Variants in ARB2A observed in about 807,000 individuals in gnomAD.
ARB2A encodes the protein ARB2 cotranscriptional regulator A, also known as cotranscriptional regulator ARB2A.
the ARB2A span, among the ~76,000 whole-genome samples, chr5:93,883,657 T>C: frequency 6.6e-6 from 1 of 151,446 alleles, no homozygotes; most frequent in African/African-American, 2.4e-5. Context: ...TTTCACGCCC[T>C]TCTCAAATTT....
At chr5:93,903,324 G>C in the ARB2A span, among the ~76,000 whole-genome samples, 1 of 151,942 alleles carries the variant, frequency 6.6e-6, no homozygotes, top group Non-Finnish European at 1.5e-5. Flanking sequence ...TACTAAAACT[G>C]CTAATATTAC....
the ARB2A span, among the ~76,000 whole-genome samples, chr5:94,049,256 C>A: frequency 6.6e-6 from 1 of 152,138 alleles, no homozygotes. Flanking sequence ...ATGTGAAGTA[C>A]CTAATGTTCA....
At chr5:93,986,324 G>C in the ARB2A span, among the ~76,000 whole-genome samples, 42 of 151,836 alleles carry the variant, frequency 2.8e-4, no homozygotes, top group Middle Eastern at 0.01. Flanking sequence ...TCTGGGAGGT[G>C]GGGGGCGCCC....
the ARB2A span, among the ~76,000 whole-genome samples, chr5:93,826,752 C>T: frequency 8.6e-6 from 1 of 115,614 alleles, no homozygotes. Flanking sequence ...CCCCTCCCCC[C>T]ACCCCACAAC....
At chr5:94,047,965 T>TCTAGAAAAGAG in the ARB2A span, among the ~76,000 whole-genome samples, 1 of 151,842 alleles carries the variant, frequency 6.6e-6, no homozygotes, top group Non-Finnish European at 1.5e-5. Context: ...AACCACAAGC[T>TCTAGAAAAGAG]CTTTTCTAAG....
chr5:93,921,154 T>C, the ARB2A span, among the ~76,000 whole-genome samples: 4 of 125,774 alleles, frequency 3.2e-5, no homozygotes, highest in African/African-American at 9.3e-5. Flanking sequence ...GTAAAGACCA[T>C]GTTAAAAAAA....
At chr5:93,864,325 A>G in the ARB2A span, among the ~76,000 whole-genome samples, 1 of 152,172 alleles carries the variant, frequency 6.6e-6, no homozygotes, top group African/African-American at 2.4e-5. Context: ...TGAAAGCAAA[A>G]GAAGAAAATA....
chr5:94,065,069 A>C, the ARB2A span, among the ~76,000 whole-genome samples: 1 of 152,272 alleles, frequency 6.6e-6, no homozygotes, highest in Admixed American at 6.5e-5. Context: ...GCCCTCGCAT[A>C]TCAATAATAA....
At chr5:93,914,886 T>A in the ARB2A span, among the ~76,000 whole-genome samples, 2 of 151,900 alleles carry the variant, frequency 1.3e-5, no homozygotes, top group African/African-American at 4.8e-5. Context: ...GCTTCGATAA[T>A]CAGGGTCATC....
the ARB2A span, chr5:93,739,086 T>G: frequency 6.6e-6 from 1 of 152,158 alleles, no homozygotes; most frequent in African/African-American, 2.4e-5. Flanking sequence ...GAGTTAACTC[T>G]CGATCTCTTG....
the ARB2A span, among the ~76,000 whole-genome samples, chr5:93,771,647 A>C: frequency 1.3e-5 from 2 of 152,242 alleles, no homozygotes; most frequent in Non-Finnish European, 2.9e-5. Flanking sequence ...TGGGCAAAGG[A>C]TATGAACAGA....
At chr5:93,817,187 T>C in the ARB2A span, among the ~76,000 whole-genome samples, 1 of 152,078 alleles carries the variant, frequency 6.6e-6, no homozygotes, top group African/African-American at 2.4e-5. Flanking sequence ...AAATCATGTC[T>C]CTATCTACTA....
the ARB2A span, among the ~76,000 whole-genome samples, chr5:93,801,583 T>C: frequency 6.6e-6 from 1 of 152,134 alleles, no homozygotes; most frequent in African/African-American, 2.4e-5. Flanking sequence ...ATTATTCAAA[T>C]TTTAGACTTT....
At chr5:93,670,265 T>C in the ARB2A span, among the ~76,000 whole-genome samples, 1 of 152,212 alleles carries the variant, frequency 6.6e-6, no homozygotes, top group Non-Finnish European at 1.5e-5. Flanking sequence ...AAAATAGATA[T>C]GATCACTATC....
At chr5:93,692,543 T>C in the ARB2A span, among the ~76,000 whole-genome samples, 1 of 152,180 alleles carries the variant, frequency 6.6e-6, no homozygotes, top group Non-Finnish European at 1.5e-5. Flanking sequence ...CCCAGATTCA[T>C]AAAGCAAGTT....
chr5:93,770,608 G>A, the ARB2A span, among the ~76,000 whole-genome samples: 56 of 152,276 alleles, frequency 3.7e-4, 1 homozygote, highest in African/African-American at 1.3e-3. Context: ...CTTCAGCAAA[G>A]TCTCAGGATA....
chr5:93,715,712 G>T, the ARB2A span, among the ~76,000 whole-genome samples: 1 of 144,010 alleles, frequency 6.9e-6, no homozygotes. Flanking sequence ...TGAAAGACTT[G>T]TTCCTAATAA....
the ARB2A span, among the ~76,000 whole-genome samples, chr5:93,874,953 T>G: frequency 6.6e-6 from 1 of 152,208 alleles, no homozygotes; most frequent in East Asian, 1.9e-4. Flanking sequence ...GCCCCAAGAC[T>G]GTGTGCCAGA....
chr5:93,870,541 G>T, the ARB2A span, among the ~76,000 whole-genome samples: 1 of 152,218 alleles, frequency 6.6e-6, no homozygotes, highest in African/African-American at 2.4e-5. Flanking sequence ...GGAGATTCCT[G>T]AGATTCTTTC....
Sources: gnomAD v4.1 joint callset for allele counts (sites outside exome capture counted in the v4.1 genomes callset) on GRCh38, gnomAD v4.1.1 for gene constraint, MANE v1.5 for transcripts, NCBI Gene and HGNC (gene_info 2026-07-23, HGNC 2026-07-21) for gene names.